Variants in SNX16 observed in about 807,000 individuals in gnomAD.
SNX16 encodes the protein sorting nexin 16.
A neutral mutation model predicts 36.7 loss-of-function variants in SNX16; 35 were observed. The observed-to-expected ratio is 0.95, with a 90% CI of 0.73 to 1.27. The LOEUF is 1.27. Among genes scored for constraint, SNX16 ranks in the 50% most tolerant of loss-of-function variants. The pLI, the probability that SNX16 is intolerant of heterozygous loss-of-function variation, is 0.00. For missense variants in SNX16, 367 were observed against 393.6 expected (o/e 0.93, Z 0.57); for synonymous variants, 134 against 132.0 (o/e 1.02, Z -0.10).
intron 2 of SNX16, among the ~76,000 whole-genome samples, chr8:81,835,316 G>A (rs1032157218): frequency 9.9e-5 from 15 of 152,226 alleles, no homozygotes; most frequent in African/African-American, 3.4e-4. Context: ...TGTGATGGGA[G>A]GGGCTGCCAT....
chr8:81,816,163 CCTT>C (rs1438593114), intron 4 of SNX16, among the ~76,000 whole-genome samples: 5 of 150,320 alleles, frequency 3.3e-5, no homozygotes, highest in Admixed American at 1.3e-4. Context: ...TTACAAATTT[CCTT>C]TTACAAAGGA....
rs1343697656 is a variant in SNX16, at chr8:81,839,700, T to TGGG, written c.286_287insCCC (p.Glu95_Gln96insPro). The TGGG allele has an allele frequency of 1.2e-6, 2 of 1,613,902 alleles. No individual in the cohort carries two copies. Among genetic ancestry groups the TGGG allele is most frequent in the African/African-American group, 2.7e-5 (2 of 74,924 alleles). ...TTCCCAATTCACTGTTTCCGGATTT[T>TGGG]GTTCTTCAGTGTCTCTTGGTCTAGT... On this transcript the variant is annotated inframe_insertion, in exon 2 of 8. Transcript: ENST00000345957.
chr8:81,803,448 T>G (rs1809797495), intron 5 of SNX16, among the ~76,000 whole-genome samples: 2 of 151,990 alleles, frequency 1.3e-5, no homozygotes, highest in Non-Finnish European at 2.9e-5. Flanking sequence ...TAACTACAAG[T>G]TCTTTTTCTT....
intron 5 of SNX16, among the ~76,000 whole-genome samples, chr8:81,803,500 T>G (rs1388723839): frequency 6.6e-6 from 1 of 151,982 alleles, no homozygotes; most frequent in Non-Finnish European, 1.5e-5. Context: ...AGTGAGTATG[T>G]GATATCCCTC....
intron 5 of SNX16, among the ~76,000 whole-genome samples, chr8:81,803,984 G>T (rs1040171995): frequency 6.6e-6 from 1 of 151,424 alleles, no homozygotes; most frequent in Non-Finnish European, 1.5e-5. Flanking sequence ...ATAAATACAA[G>T]ATACTGAAGT....
intron 5 of SNX16, among the ~76,000 whole-genome samples, chr8:81,805,121 T>C (rs757270198): frequency 6.6e-6 from 1 of 152,100 alleles, no homozygotes; most frequent in Non-Finnish European, 1.5e-5. Flanking sequence ...TTATCACATA[T>C]GTGCAGATCC....
chr8:81,839,254 A>G (rs1811629729), intron 2 of SNX16, among the ~76,000 whole-genome samples: 1 of 152,188 alleles, frequency 6.6e-6, no homozygotes, highest in Non-Finnish European at 1.5e-5. Context: ...CAAAAAGAGT[A>G]TATAATTCCA....
intron 4 of SNX16, among the ~76,000 whole-genome samples, chr8:81,822,947 C>CATATATATATAT (rs949455303): frequency 4.0e-4 from 21 of 52,310 alleles, no homozygotes; most frequent in African/African-American, 1.1e-3. Context: ...TATACATATA[C>CATATATATATAT]ATATATATAT....
chr8:81,807,791 CTA>C, intron 5 of SNX16: 1 of 731,608 alleles, frequency 1.4e-6, no homozygotes. Context: ...TCAGAGTCTC[CTA>C]AAGAGCCCAA....
At chr8:81,819,105 C>A (rs1286503134) in intron 4 of SNX16, among the ~76,000 whole-genome samples, 1 of 151,928 alleles carries the variant, frequency 6.6e-6, no homozygotes, top group South Asian at 2.1e-4. Flanking sequence ...ACTGAATTTT[C>A]GTACTGAATC....
chr8:81,805,593 A>AGAATTCTAAATT (rs1809894525), intron 5 of SNX16, among the ~76,000 whole-genome samples: 2 of 152,182 alleles, frequency 1.3e-5, no homozygotes, highest in African/African-American at 4.8e-5. Flanking sequence ...ATAACTAAAG[A>AGAATTCTAAATT]TATGTTAAGA....
chr8:81,804,737 A>G (rs1334332000), intron 5 of SNX16, among the ~76,000 whole-genome samples: 2 of 152,154 alleles, frequency 1.3e-5, no homozygotes, highest in Non-Finnish European at 2.9e-5. Context: ...AAACATACTT[A>G]AAGGCAACAG....
At chr8:81,807,902 C>A in intron 5 of SNX16, 1 of 766,030 alleles carries the variant, frequency 1.3e-6, no homozygotes. Context: ...ACGAACTGTG[C>A]GGTAATGAGA....
intron 2 of SNX16, among the ~76,000 whole-genome samples, chr8:81,835,504 G>A (rs757137297): frequency 3.3e-5 from 5 of 152,110 alleles, no homozygotes; most frequent in Non-Finnish European, 4.4e-5. Flanking sequence ...CTGTGCTTCC[G>A]TTATAAAACT....
chr8:81,823,554 C>A (rs75861955), intron 4 of SNX16, among the ~76,000 whole-genome samples: 1 of 151,932 alleles, frequency 6.6e-6, no homozygotes, highest in African/African-American at 2.4e-5. Flanking sequence ...ACATGGTACA[C>A]TGGATTTTTC....
intron 4 of SNX16, among the ~76,000 whole-genome samples, chr8:81,817,902 C>G (rs1294149000): frequency 6.6e-6 from 1 of 152,020 alleles, no homozygotes; most frequent in East Asian, 1.9e-4. Flanking sequence ...CTTTTATTAT[C>G]TGGAATACAT....
At chr8:81,819,308 C>A (rs1392778462) in intron 4 of SNX16, among the ~76,000 whole-genome samples, 1 of 152,004 alleles carries the variant, frequency 6.6e-6, no homozygotes, top group Non-Finnish European at 1.5e-5. Context: ...AAACAAATAG[C>A]TATATTTTAA....
Position 81,839,765 on chromosome 8 carries a change from C to A in SNX16, c.222G>T (p.Arg74Ser). The A allele has an allele frequency of 6.2e-7, 1 of 1,613,678 alleles. No individual in the cohort carries two copies. The highest frequency in any genetic ancestry group is 8.5e-7 in the Non-Finnish European group (1 of 1,179,654). ...TSSVCSSPLI[R>S]TKFTGTASSI... ...AAGAAGCTGTACCTGTAAATTTAGT[C>A]CTAATGAGGGGACTGCTACAGACAG... The change falls in exon 2 of 8, where the codon AGG (arginine) becomes AGT (serine). Residue 74 changes from arginine (R) to serine (S), a missense_variant. Physicochemically the swap from Arg to Ser is moderately radical, Grantham distance 110. Coordinates refer to ENST00000345957, the MANE Select transcript of SNX16 (RefSeq NM_152836.3).
chr8:81,824,350 T>C (rs969726816), intron 3 of SNX16, among the ~76,000 whole-genome samples: 1 of 152,200 alleles, frequency 6.6e-6, no homozygotes, highest in African/African-American at 2.4e-5. Flanking sequence ...TTAGGTTGCC[T>C]AAGTTATAAG....
Sources: gnomAD v4.1 joint callset for allele counts (sites outside exome capture counted in the v4.1 genomes callset) on GRCh38, gnomAD v4.1.1 for gene constraint, MANE v1.5 for transcripts, NCBI Gene and HGNC (gene_info 2026-07-23, HGNC 2026-07-21) for gene names.